Variants in CALD1 observed in about 807,000 individuals in gnomAD.
CALD1 encodes caldesmon.
Under a neutral mutation model 99.9 loss-of-function variants are expected in CALD1, and 33 were observed. The observed-to-expected ratio is 0.33, with a 90% CI of 0.25 to 0.44. The LOEUF is 0.44. CALD1 is among the 20% of genes least tolerant of loss of function. The pLI is 1.00. For synonymous variants in CALD1, 310 were observed against 325.0 expected, an observed-to-expected ratio of 0.95 and a Z score of 0.50; for missense variants, 861 against 962.1, an observed-to-expected ratio of 0.89 and a Z score of 1.39.
intron 2 of CALD1, among the ~76,000 whole-genome samples, chr7:134,850,569 C>G (rs1025968106): frequency 6.6e-6 from 1 of 152,150 alleles, no homozygotes; most frequent in African/African-American, 2.4e-5. Context: ...GTAAGTGCTA[C>G]ATAACTGTTG....
At chr7:134,847,420 A>G (rs1799896941) in intron 2 of CALD1, among the ~76,000 whole-genome samples, 1 of 152,028 alleles carries the variant, frequency 6.6e-6, no homozygotes, top group Non-Finnish European at 1.5e-5. Flanking sequence ...TATATGGGAG[A>G]AGGTCTGGAA....
At position 134,816,859 on chromosome 7, in the gene CALD1, G is replaced by A. The variant is rs551807220; in HGVS notation, c.-129-27025G>A. On this transcript the variant is annotated intron_variant, in intron 1 of 14. Transcript: ENST00000361675. The stretch of plus-strand genomic sequence containing the variant: ...ACTGTGTCAGAAGGTAGAACAATGA[G>A]CTTCAGTCTTCTTGAACTTCTCTTG... Among the ~76,000 whole-genome samples the A allele has an allele frequency of 8.5e-5, 13 of 152,248 alleles. No homozygotes were observed. The East Asian group carries it at 2.5e-3, about 29-fold the overall frequency.
intron 3 of CALD1, among the ~76,000 whole-genome samples, chr7:134,883,575 G>A (rs1465392116): frequency 2.0e-5 from 3 of 152,030 alleles, no homozygotes; most frequent in Non-Finnish European, 4.4e-5. Context: ...CTTAATAAGA[G>A]CTTGATTTCA....
chr7:134,937,552 T>C (rs1450796016), intron 6 of CALD1, among the ~76,000 whole-genome samples: 2 of 152,144 alleles, frequency 1.3e-5, no homozygotes, highest in African/African-American at 2.4e-5. Flanking sequence ...GTTGTGTTGT[T>C]TCTTTATGTA....
intron 9 of CALD1, among the ~76,000 whole-genome samples, chr7:134,953,317 A>T (rs1017785574): frequency 1.3e-5 from 2 of 152,128 alleles, no homozygotes; most frequent in Non-Finnish European, 2.9e-5. Flanking sequence ...CGTCTCTACT[A>T]AAAATACAAA....
At chr7:134,894,793 C>A (rs777341718) in intron 3 of CALD1, among the ~76,000 whole-genome samples, 3 of 152,080 alleles carry the variant, frequency 2.0e-5, no homozygotes, top group Non-Finnish European at 2.9e-5. Context: ...CTGTCACTTG[C>A]GGTTTAATAT....
chr7:134,941,561 G>T (rs998751411), intron 7 of CALD1, among the ~76,000 whole-genome samples: 2 of 152,144 alleles, frequency 1.3e-5, no homozygotes. Flanking sequence ...TTATAACTGG[G>T]ATTCATGTCA....
chr7:134,891,656 C>T, intron 3 of CALD1: 1 of 1,607,432 alleles, frequency 6.2e-7, no homozygotes, highest in Non-Finnish European at 8.5e-7. Context: ...GAAGACGCAG[C>T]CTGGCCGCGC....
chr7:134,855,476 T>C (rs1002984784), intron 2 of CALD1, among the ~76,000 whole-genome samples: 1 of 152,218 alleles, frequency 6.6e-6, no homozygotes, highest in Non-Finnish European at 1.5e-5. Flanking sequence ...TTTGTATACT[T>C]GAAAACATTC....
At chr7:134,757,804 G>A (rs1217242076) in intron 1 of CALD1, among the ~76,000 whole-genome samples, 2 of 151,928 alleles carry the variant, frequency 1.3e-5, no homozygotes, top group South Asian at 2.1e-4. Context: ...GCTTGAACCC[G>A]GGAGGCAGAG....
At chr7:134,829,946 G>A (rs1048816858) in intron 1 of CALD1, among the ~76,000 whole-genome samples, 2 of 152,160 alleles carry the variant, frequency 1.3e-5, no homozygotes, top group Non-Finnish European at 2.9e-5. Context: ...GGTAGATGAG[G>A]AAGGAGGAAG....
chr7:134,901,745 T>C (rs1479365442), intron 3 of CALD1, among the ~76,000 whole-genome samples: 2 of 152,054 alleles, frequency 1.3e-5, no homozygotes, highest in African/African-American at 4.8e-5. Context: ...CAGATATTCC[T>C]TGGCTTAGGC....
At chr7:134,956,330 G>A (rs1807771347) in intron 9 of CALD1, among the ~76,000 whole-genome samples, 1 of 152,096 alleles carries the variant, frequency 6.6e-6, no homozygotes, top group Non-Finnish European at 1.5e-5. Context: ...TTGGAGAATT[G>A]TGTGTATCCC....
the CALD1 span, among the ~76,000 whole-genome samples, chr7:134,711,696 GTGTGT>G: frequency 2.4e-5 from 3 of 127,114 alleles, no homozygotes; most frequent in South Asian, 8.1e-4. Flanking sequence ...GTGTGTGTGT[GTGTGT>G]GTGTGTGTGT....
At chr7:134,716,813 G>T in the CALD1 span, among the ~76,000 whole-genome samples, 1 of 152,264 alleles carries the variant, frequency 6.6e-6, no homozygotes, top group Non-Finnish European at 1.5e-5. Context: ...GTGTGATATG[G>T]ATTATGTGAA....
At chr7:134,866,779 T>C (rs1323188970) in intron 2 of CALD1, 2 of 152,164 alleles carry the variant, frequency 1.3e-5, no homozygotes, top group Non-Finnish European at 2.9e-5. Context: ...AGGCCTCCCA[T>C]TCCGCACAGG....
intron 1 of CALD1, among the ~76,000 whole-genome samples, chr7:134,784,016 T>TA (rs1222568236): frequency 6.6e-6 from 1 of 152,152 alleles, no homozygotes; most frequent in Non-Finnish European, 1.5e-5. Context: ...CAGAAGTTAA[T>TA]AAAAGGCTTG....
chr7:134,926,153 C>T (rs577631511), intron 3 of CALD1, among the ~76,000 whole-genome samples: 2 of 152,338 alleles, frequency 1.3e-5, no homozygotes, highest in South Asian at 2.1e-4. Context: ...CACGAAGCGG[C>T]TCCTTAACTG....
chr7:134,751,716 A>G (rs1796687229), intron 1 of CALD1, among the ~76,000 whole-genome samples: 1 of 152,140 alleles, frequency 6.6e-6, no homozygotes, highest in Non-Finnish European at 1.5e-5. Context: ...GTGGCTCACA[A>G]CTGTAGTCCC....
Sources: allele counts gnomAD v4.1 joint callset (sites outside exome capture counted in the v4.1 genomes callset), GRCh38; gene constraint gnomAD v4.1.1; transcripts MANE v1.5; gene names NCBI Gene and HGNC (gene_info 2026-07-23, HGNC 2026-07-21).